Variants in ELP3 observed in about 807,000 individuals in gnomAD.
ELP3 encodes the protein elongator acetyltransferase complex subunit 3, also known as elongator complex protein 3.
ELP3 carries 56 observed loss-of-function variants against 74.9 expected under a neutral mutation model. The ratio of observed to expected loss-of-function variants is 0.75; its 90% confidence interval spans 0.60 to 0.93. The LOEUF is 0.93. Among genes scored for constraint, ELP3 ranks in the 40% least tolerant of loss-of-function variants. ELP3 has a pLI of 0.00. For synonymous variants in ELP3, 222 were observed against 239.8 expected (o/e 0.93, Z 0.68); for missense variants, 573 against 686.5 (o/e 0.83, Z 1.85).
chr8:28,140,303 C>G (rs906389079), intron 10 of ELP3, among the ~76,000 whole-genome samples: 3 of 152,058 alleles, frequency 2.0e-5, no homozygotes, highest in African/African-American at 7.2e-5. Context: ...GCTTAAAGGG[C>G]TCCCATTGGC....
At chr8:28,189,195 T>G (rs1412293546) in intron 14 of ELP3, among the ~76,000 whole-genome samples, 2 of 152,114 alleles carry the variant, frequency 1.3e-5, no homozygotes, top group Non-Finnish European at 2.9e-5. Flanking sequence ...GGAGATCCCA[T>G]TTTTTCCCCC....
chr8:28,160,103 C>A, intron 12 of ELP3, 126 bp from the exon 13 acceptor site: 2 of 839,064 alleles, frequency 2.4e-6, no homozygotes, highest in South Asian at 1.9e-5. Context: ...TAAAAAGAAA[C>A]ATAATTAGTG....
At chr8:28,177,314 C>A (rs1162538787) in intron 14 of ELP3, among the ~76,000 whole-genome samples, 2 of 152,084 alleles carry the variant, frequency 1.3e-5, no homozygotes, top group Non-Finnish European at 2.9e-5. Flanking sequence ...AGGATAGAAA[C>A]CTTTTCCCAA....
At chr8:28,173,743 G>T (rs1196542485) in intron 14 of ELP3, among the ~76,000 whole-genome samples, 2 of 151,784 alleles carry the variant, frequency 1.3e-5, no homozygotes, top group Non-Finnish European at 2.9e-5. Context: ...AGCATTTACA[G>T]CTATAAGTTT....
chr8:28,093,475 G>T, intron 1 of ELP3: 1 of 587,046 alleles, frequency 1.7e-6, no homozygotes, highest in Non-Finnish European at 3.0e-6. Context: ...TGTTTGAATG[G>T]CAGGGAAACC....
At chr8:28,114,521 T>G (rs1451726679) in intron 7 of ELP3, among the ~76,000 whole-genome samples, 1 of 151,252 alleles carries the variant, frequency 6.6e-6, no homozygotes, top group African/African-American at 2.5e-5. Flanking sequence ...GGTGCCACAC[T>G]CTTTTAAACA....
At position 28,145,828 on chromosome 8, in the gene ELP3, C is replaced by T. The variant is rs541420458; in HGVS notation, c.1100+7937C>T. Among the ~76,000 whole-genome samples the T allele has an allele frequency of 3.9e-5, 6 of 152,180 alleles. No individual in the cohort carries two copies. The East Asian group carries it at 5.8e-4, about 15-fold the overall frequency. On this transcript the variant is annotated intron_variant, in intron 10 of 14. Transcript: ENST00000256398. ...TAGTAGAGACGGGGTTTCGCCATGT[C>T]GGCCAGGCTGGTTTCGAACTCCTGA...
chr8:28,112,420 C>G (rs1563252780), intron 6 of ELP3: 1 of 152,216 alleles, frequency 6.6e-6, no homozygotes, highest in Non-Finnish European at 1.5e-5. Context: ...GCATCAGCCA[C>G]CGCACCTGGC....
intron 7 of ELP3, 55 bp from the exon 8 acceptor site, chr8:28,129,447 C>T (rs1812706401): frequency 6.3e-7 from 1 of 1,589,944 alleles, no homozygotes; most frequent in Non-Finnish European, 8.6e-7. Flanking sequence ...TTTTTTGAGA[C>T]AGAGTAATGT....
In ELP3 at chr8:28,190,634, A is replaced by G. The variant is rs181165751; in HGVS notation, c.*909A>G. On this transcript the variant is annotated 3_prime_UTR_variant, in exon 15 of 15. Coordinates refer to ENST00000256398, the MANE Select transcript of ELP3 (RefSeq NM_018091.6). ...ACCCAGGCTGGAGTGCAGTGGCGCAATCTCACTGCATCCTCCGCCTCCCGG... is the reference window on the plus strand; with the variant it reads ...ACCCAGGCTGGAGTGCAGTGGCGCAGTCTCACTGCATCCTCCGCCTCCCGG... 7.2e-5 allele frequency: 11 copies of G among 151,800 alleles called. No individual in the cohort carries two copies. The highest frequency in any genetic ancestry group is 3.9e-4 in the East Asian group (2 of 5,154). The allele number at this position is 151,800 out of a possible 1,614,324, so 9.4% of individuals were successfully genotyped here. A position where few individuals can be genotyped will look rare whatever the true frequency, so the allele number is the denominator to read the frequency against.
At chr8:28,138,947 C>G (rs1226679172) in intron 10 of ELP3, among the ~76,000 whole-genome samples, 1 of 152,180 alleles carries the variant, frequency 6.6e-6, no homozygotes, top group Admixed American at 6.5e-5. Context: ...TGTGGCCCTT[C>G]CCCTTGTTGT....
At position 28,110,402 on chromosome 8, in the gene ELP3, T is replaced by C. The variant is rs745379551; in HGVS notation, c.426T>C (p.Tyr142=). 3 of 1,613,970 alleles carry C rather than the reference T, an allele frequency of 1.9e-6. No individual in the cohort carries two copies. In the East Asian group the frequency reaches 6.7e-5, roughly 36 times the overall value. ...PTSMRAIRAR[Y]DPFLQTRHRI... ...CCATGAGAGCTATCCGTGCCAGATA[T>C]GACCCTTTCCTACAGACAAGACACC... The change falls in exon 6 of 15, where the codon TAT becomes TAC. Residue 142 remains tyrosine (Y), a synonymous_variant. Transcript: ENST00000256398.
chr8:28,156,446 A>G (rs34742666), intron 11 of ELP3, among the ~76,000 whole-genome samples: 2 of 152,204 alleles, frequency 1.3e-5, no homozygotes, highest in Non-Finnish European at 2.9e-5. Context: ...CCAGTCTCCT[A>G]TCCCTCTGGC....
At chr8:28,092,610 C>T (rs908773850), upstream of ELP3, among the ~76,000 whole-genome samples, 1 of 152,184 alleles carries the variant, frequency 6.6e-6, no homozygotes, top group African/African-American at 2.4e-5. Context: ...GAGACATCCA[C>T]AGCTTTCACG....
intron 2 of ELP3, among the ~76,000 whole-genome samples, 174 bp from the exon 3 acceptor site, chr8:28,099,640 AGTAGTCATTCACTC>A (rs1487971119): frequency 6.6e-6 from 1 of 152,230 alleles, no homozygotes; most frequent in Non-Finnish European, 1.5e-5. Context: ...AAGGGTGGGA[AGTAGTCATTCACTC>A]GTGAATTTTA....
chr8:28,173,838 T>C (rs1814632794), intron 14 of ELP3, among the ~76,000 whole-genome samples: 1 of 152,078 alleles, frequency 6.6e-6, no homozygotes, highest in Non-Finnish European at 1.5e-5. Context: ...TTTCCAATTT[T>C]CCTTGTGATT....
At chr8:28,098,024 T>C (rs956758555) in intron 2 of ELP3, among the ~76,000 whole-genome samples, 3 of 152,136 alleles carry the variant, frequency 2.0e-5, no homozygotes, top group Non-Finnish European at 4.4e-5. Flanking sequence ...TTCCCTACTG[T>C]CTCAGCTGAA....
At chr8:28,168,417 A>T (rs1814393299) in intron 14 of ELP3, among the ~76,000 whole-genome samples, 1 of 152,194 alleles carries the variant, frequency 6.6e-6, no homozygotes, top group Admixed American at 6.5e-5. Context: ...CTTGAAGTCC[A>T]GCCTTGCCAG....
At chr8:28,178,055 T>C (rs570737834) in intron 14 of ELP3, among the ~76,000 whole-genome samples, 170 of 152,342 alleles carry the variant, frequency 1.1e-3, no homozygotes, top group African/African-American at 3.8e-3. Flanking sequence ...TTTTTCATTT[T>C]AAAAGTTTAC....
Sources: gnomAD v4.1 joint callset for allele counts (sites outside exome capture counted in the v4.1 genomes callset) on GRCh38, gnomAD v4.1.1 for gene constraint, MANE v1.5 for transcripts, NCBI Gene and HGNC (gene_info 2026-07-23, HGNC 2026-07-21) for gene names.